The following MFSD2B variants were observed in gnomAD, a reference collection of about 807,000 sequenced individuals.
MFSD2B encodes the protein MFSD2 lysolipid transporter B, sphingolipid.
A neutral mutation model predicts 58.4 loss-of-function variants in MFSD2B; 56 were observed. That is an observed-to-expected ratio of 0.96 (90% CI 0.77 to 1.20). The LOEUF is 1.20. Ranked by LOEUF, MFSD2B falls within the 50% of genes most tolerant of loss-of-function variation. MFSD2B has a pLI of 0.00. For synonymous variants in MFSD2B, 287 were observed against 294.4 expected, an observed-to-expected ratio of 0.97 and a Z score of 0.26; for missense variants, 645 against 667.6, an observed-to-expected ratio of 0.97 and a Z score of 0.37.
Position 24,022,739 on chromosome 2 carries a change from C to A in MFSD2B, c.979-83C>A. On this transcript the variant is annotated intron_variant, in intron 9 of 13. Transcript: ENST00000338315. This position sits in a 1 kb window ranked among gnomAD's most constrained non-coding sequence, Gnocchi z 4.5. ...CAGGGGCAAGGCCAAGGTCAGGCAT[C>A]CAATCTAAAAGCCAAGGCCTTGGGG... 9.2e-7 allele frequency: 1 copy of A among 1,086,458 alleles called. No homozygotes were observed. Among genetic ancestry groups the A allele is most frequent in the Non-Finnish European group, 1.3e-6 (1 of 767,486 alleles). The allele number at this position is 1,086,458 out of a possible 1,614,324, so 67.3% of individuals were successfully genotyped here. A position where few individuals can be genotyped will look rare whatever the true frequency, so the allele number is the denominator to read the frequency against.
chr2:24,010,777 G>A (rs1708926656), intron 1 of MFSD2B, among the ~76,000 whole-genome samples: 1 of 152,180 alleles, frequency 6.6e-6, no homozygotes, highest in Admixed American at 6.5e-5. Context: ...GGAGCAAGGG[G>A]CCTGGGGCTT....
At chr2:24,014,602 AAAGT>A (rs955873482) in intron 2 of MFSD2B, among the ~76,000 whole-genome samples, 1 of 152,232 alleles carries the variant, frequency 6.6e-6, no homozygotes, top group Non-Finnish European at 1.5e-5. Context: ...GTGAAAAAGA[AAAGT>A]TAGTTTTAGA....
rs1332344017 is a variant in MFSD2B at position 24,024,316 on chromosome 2, C to T, written c.1490+45C>T. On this transcript the variant is annotated intron_variant, in intron 13 of 13. Coordinates refer to ENST00000338315, the MANE Select transcript of MFSD2B (RefSeq NM_001346880.2). The surrounding 1 kb of genome is among the most constrained non-coding windows in gnomAD (Gnocchi z 4.3). ...TGCAGCCAGCGAGGCACAGTGTGGG[C>T]TGCTGGGGGAATGACTAACACCAGC... 1.3e-6 allele frequency: 2 copies of T among 1,543,878 alleles called. No individual in the cohort carries two copies. The highest frequency in any genetic ancestry group is 1.7e-6 in the Non-Finnish European group (2 of 1,144,590).
rs764953676 is a variant in MFSD2B, at chr2:24,017,386, G to A, written c.550+22G>A. The stretch of plus-strand genomic sequence containing the variant: ...TACCGTGAGTGCAGCCGTGGGTTTC[G>A]GGTTCCAGGGAGGCAACTGCCCCTG... On this transcript the variant is annotated intron_variant, in intron 5 of 13. Coordinates refer to ENST00000338315, the MANE Select transcript of MFSD2B (RefSeq NM_001346880.2). This position sits in a 1 kb window ranked among gnomAD's most constrained non-coding sequence, Gnocchi z 4.8. 1.9e-5 allele frequency: 30 copies of A among 1,599,380 alleles called. No individual in the cohort carries two copies. Among genetic ancestry groups the A allele is most frequent in the South Asian group, 1.2e-4 (11 of 88,504 alleles).
Position 24,022,003 on chromosome 2 carries a change from G to C in MFSD2B, c.894+33G>C, listed in dbSNP as rs1662810019. The C allele has an allele frequency of 9.9e-6, 16 of 1,613,594 alleles. No individual in the cohort carries two copies. The highest frequency in any genetic ancestry group is 1.3e-5 in the Non-Finnish European group (15 of 1,179,662). On this transcript the variant is annotated intron_variant, in intron 8 of 13. Transcript: ENST00000338315. The surrounding 1 kb of genome is among the most constrained non-coding windows in gnomAD (Gnocchi z 4.5). Reference sequence around the variant, plus strand: ...TGGCCAGCTGCCCCCGACAGGCTTGGTGCTGGCCATGCTGACCTTGCATAG... The same window carrying C: ...TGGCCAGCTGCCCCCGACAGGCTTGCTGCTGGCCATGCTGACCTTGCATAG...
chr2:24,016,058 C>T (rs72781680), intron 2 of MFSD2B, 98 bp from the exon 3 acceptor site: 183,494 of 1,479,758 alleles, frequency 0.12, 12,132 homozygotes, highest in Middle Eastern at 0.17. Flanking sequence ...CCCTCCGGTC[C>T]CGGTTCCCAG....
chr2:24,025,778 G>A lies in MFSD2B; in HGVS notation c.*322G>A. On this transcript the variant is annotated 3_prime_UTR_variant, in exon 14 of 14. Transcript: ENST00000338315. ...TATCTGTGGCCTACCACCCATTCAA[G>A]AAAACGTTACAGCCGGCTCACTGCA... 3.3e-6 allele frequency: 1 copy of A among 302,754 alleles called. No homozygotes were observed. The highest frequency in any genetic ancestry group is 6.1e-6 in the Non-Finnish European group (1 of 164,218). 18.8% of individuals were successfully genotyped at this position (302,754 alleles called of 1,614,324 possible).
At chr2:24,013,838 C>CTTTT (rs758336674) in intron 2 of MFSD2B, among the ~76,000 whole-genome samples, 11 of 110,620 alleles carry the variant, frequency 9.9e-5, no homozygotes, top group Non-Finnish European at 1.1e-4. Context: ...CAAGACGATT[C>CTTTT]TTTTTTTTTT....
rs1662840703 is a variant in MFSD2B at position 24,022,717 on chromosome 2, G to GT, written c.979-105_979-104insT. On this transcript the variant is annotated intron_variant, in intron 9 of 13. Coordinates refer to ENST00000338315, the MANE Select transcript of MFSD2B (RefSeq NM_001346880.2). This position sits in a 1 kb window ranked among gnomAD's most constrained non-coding sequence, Gnocchi z 4.5. ...ATTCATAGCCACCGGTTTGAACCAGGGGCAAGGCCAAGGTCAGGCATCCAA... is the reference window on the plus strand; with the variant it reads ...ATTCATAGCCACCGGTTTGAACCAGGTGGCAAGGCCAAGGTCAGGCATCCAA... 1.1e-6 allele frequency: 1 copy of GT among 939,106 alleles called. No individual in the cohort carries two copies. The highest frequency in any genetic ancestry group is 2.6e-5 in the East Asian group (1 of 37,776). The allele number at this position is 939,106 out of a possible 1,614,324, so 58.2% of individuals were successfully genotyped here.
chr2:24,013,870 C>T (rs1709045398), intron 2 of MFSD2B, among the ~76,000 whole-genome samples: 1 of 134,892 alleles, frequency 7.4e-6, no homozygotes, highest in African/African-American at 2.8e-5. Flanking sequence ...GACAGAGTCT[C>T]ACTCTGTTGC....
rs191444491 is a variant in MFSD2B at position 24,024,221 on chromosome 2, C to T, written c.1440C>T (p.Ser480=). 6 of 1,613,168 alleles carry T rather than the reference C, an allele frequency of 3.7e-6. No homozygotes were observed. In the African/African-American group the frequency reaches 8.0e-5, roughly 22 times the overall value. The change falls in exon 13 of 14, where the codon TCC becomes TCT. Residue 480 remains serine, a synonymous_variant. Transcript: ENST00000338315. The surrounding 1 kb of genome is among the most constrained non-coding windows in gnomAD (Gnocchi z 4.3). The part of the protein sequence containing the change: ...LAGLCILMVG[S]TPKTPSRDAS... ...GGCTCTGCATCCTCATGGTCGGCTC[C>T]ACTCCAAAGACACCCAGTCGGGACG...
chr2:24,023,341 T>C lies in MFSD2B; in HGVS notation c.1169+102T>C. On this transcript the variant is annotated intron_variant, in intron 11 of 13. Transcript: ENST00000338315. This position sits in a 1 kb window ranked among gnomAD's most constrained non-coding sequence, Gnocchi z 5.0. ...CCCTGCACCCAGCCTGTGCAGGAGA[T>C]GGAGGCCACCAGCTCCATCCTCAGA... The C allele has an allele frequency of 1.9e-6, 2 of 1,059,764 alleles. No individual in the cohort carries two copies. Among genetic ancestry groups the C allele is most frequent in the Non-Finnish European group, 2.9e-6 (2 of 699,442 alleles). The allele number at this position is 1,059,764 out of a possible 1,614,324, so 65.6% of individuals were successfully genotyped here.
rs1159691735 is a variant in MFSD2B, at chr2:24,017,465, T to C, written c.558T>C (p.Thr186=). The change falls in exon 6 of 14, where the codon ACT becomes ACC. Residue 186 remains threonine (T), a synonymous_variant. Coordinates refer to ENST00000338315, the MANE Select transcript of MFSD2B (RefSeq NM_001346880.2). This position sits in a 1 kb window ranked among gnomAD's most constrained non-coding sequence, Gnocchi z 4.8. ...GTGGCACTCTGTCTCCAGGGATGAC[T>C]GTGGAGATGGCGGGAACACTGATGG... ...ERDSATAYRM[T]VEMAGTLMGA... is the part of the protein sequence containing the mutation. The C allele has an allele frequency of 1.2e-6, 2 of 1,601,912 alleles. No individual in the cohort carries two copies. The highest frequency in any genetic ancestry group is 4.5e-5 in the East Asian group (2 of 44,410).
At chr2:24,010,828 A>G (rs1371935584) in intron 1 of MFSD2B, among the ~76,000 whole-genome samples, 1 of 152,166 alleles carries the variant, frequency 6.6e-6, no homozygotes, top group East Asian at 1.9e-4. Flanking sequence ...GCTCGTGCCC[A>G]GGGCATTCTG....
intron 6 of MFSD2B, among the ~76,000 whole-genome samples, chr2:24,019,493 TG>T (rs1662677211): frequency 6.6e-6 from 1 of 151,628 alleles, no homozygotes; most frequent in African/African-American, 2.4e-5. Context: ...GGGGCCGAGG[TG>T]GGTGGATCAT....
chr2:24,025,626 C>A lies in MFSD2B; in HGVS notation c.*170C>A. Reference sequence around the variant, plus strand: ...GAAGGGACTGGCCCGCACTCCAGGACCCCACTTGGCATTTCTTGTCTGTTG... The same window carrying A: ...GAAGGGACTGGCCCGCACTCCAGGAACCCACTTGGCATTTCTTGTCTGTTG... On this transcript the variant is annotated 3_prime_UTR_variant, in exon 14 of 14. Transcript: ENST00000338315. 8.0e-6 allele frequency: 5 copies of A among 626,230 alleles called. No homozygotes were observed. The highest frequency in any genetic ancestry group is 7.6e-5 in the South Asian group (4 of 52,430). The allele number at this position is 626,230 out of a possible 1,614,324, so 38.8% of individuals were successfully genotyped here. A position where few individuals can be genotyped will look rare whatever the true frequency, so the allele number is the denominator to read the frequency against.
chr2:24,013,635 A>G (rs544920117), intron 2 of MFSD2B, among the ~76,000 whole-genome samples: 1 of 152,310 alleles, frequency 6.6e-6, no homozygotes, highest in Admixed American at 6.5e-5. Context: ...ATATAGAAGC[A>G]GTTGGCTAAG....
chr2:24,019,001 C>T (rs994098460), intron 6 of MFSD2B, among the ~76,000 whole-genome samples: 1 of 152,094 alleles, frequency 6.6e-6, no homozygotes, highest in Admixed American at 6.5e-5. Flanking sequence ...CAGGCATGCG[C>T]CACCACGCCT....
rs1456135466 is a variant in MFSD2B at position 24,016,895 on chromosome 2, T to C, written c.398T>C (p.Phe133Ser). ...GCCCTGGCCTACTTCTTCCTGTGGT[T>C]CCTGCCCCCCTTCACCAGCCTGCGA... ...FIALAYFFLW[F>S]LPPFTSLRGL... Residue 133 changes from phenylalanine to serine, a missense_variant, in exon 4 of 14, where the codon TTC becomes TCC. By Grantham distance (155) the Phe-to-Ser change is radical. Transcript: ENST00000338315. 6.2e-7 allele frequency: 1 copy of C among 1,613,858 alleles called. No individual in the cohort carries two copies. The highest frequency in any genetic ancestry group is 1.1e-5 in the South Asian group (1 of 91,090).
Sources: allele counts gnomAD v4.1 joint callset (sites outside exome capture counted in the v4.1 genomes callset), GRCh38; gene constraint gnomAD v4.1.1; non-coding constraint Gnocchi (gnomAD v3.1); transcripts MANE v1.5; gene names NCBI Gene and HGNC (gene_info 2026-07-23, HGNC 2026-07-21).